ZNF443: variants seen among roughly 807,000 people sequenced by gnomAD.
The protein encoded by ZNF443 is zinc finger protein 443.
In ZNF443, 3 loss-of-function variants were observed where a neutral mutation model predicts 12.0. The ratio of observed to expected loss-of-function variants is 0.25; its 90% CI spans 0.11 to 0.64. The LOEUF (loss-of-function observed/expected upper bound fraction) is 0.64, where lower values mean the gene tolerates loss of function less well. Ranked by LOEUF, ZNF443 falls within the 30% of genes least tolerant of loss-of-function variation. The pLI is 0.84. For missense variants in ZNF443, 770 were observed against 808.8 expected (o/e 0.95, Z 0.58); for synonymous variants, 225 against 265.9 (o/e 0.85, Z 1.50).
chr19:12,441,012 T>G lies in ZNF443; in HGVS notation c.-98A>C. ...GCTGCCTCAGAACTTCCAGGTCGTCTCTCAGCTACAGAACCCAGAGCCGAG... is the reference window on the plus strand; with the variant it reads ...GCTGCCTCAGAACTTCCAGGTCGTCGCTCAGCTACAGAACCCAGAGCCGAG... On this transcript the variant is annotated 5_prime_UTR_variant, in exon 1 of 4. Coordinates refer to ENST00000301547, the MANE Select transcript of ZNF443 (RefSeq NM_005815.5). 1 of 1,605,678 alleles carries G rather than the reference T, an allele frequency of 6.2e-7. No individual in the cohort carries two copies. The highest frequency in any genetic ancestry group is 1.1e-5 in the South Asian group (1 of 90,166).
intron 1 of ZNF443, among the ~76,000 whole-genome samples, chr19:12,436,223 A>G (rs2432245): frequency 0.11 from 10,822 of 99,970 alleles, 1,206 homozygotes; most frequent in Middle Eastern, 0.22. Context: ...GCTCACACCT[A>G]TAATCCCAGC....
At position 12,431,762 on chromosome 19, in the gene ZNF443, C is replaced by T. The variant is rs548992923; in HGVS notation, c.410G>A (p.Gly137Glu). Residue 137 changes from glycine (G) to glutamate (E), a missense_variant, in exon 4 of 4, where the codon GGA (glycine) becomes GAA (glutamate). Coordinates refer to ENST00000301547, the MANE Select transcript of ZNF443 (RefSeq NM_005815.5). ...TTGTTTATGCGTATCTGGCTTCTCT[C>T]CACATTCATGATACTCATGTGGTTT... ...GHKPHEYHECGEKPDTHKQRG... is the reference protein window; with the variant it reads ...GHKPHEYHECEEKPDTHKQRG... 1.2e-5 allele frequency: 20 copies of T among 1,614,158 alleles called. No individual in the cohort carries two copies. The African/African-American group carries it at 2.3e-4, about 18-fold the overall frequency.
At position 12,440,967 on chromosome 19, in the gene ZNF443, C is replaced by A. The variant is rs1390277164; in HGVS notation, c.-53G>T. 3.1e-6 allele frequency: 5 copies of A among 1,613,610 alleles called. No individual in the cohort carries two copies. The highest frequency in any genetic ancestry group is 2.2e-5 in the South Asian group (2 of 91,068). On this transcript the variant is annotated 5_prime_UTR_variant, in exon 1 of 4. Coordinates refer to ENST00000301547, the MANE Select transcript of ZNF443 (RefSeq NM_005815.5). ...CTACCGACAGCTCCCGCTGCCAATG[C>A]GTGTTCCAGCCAGACAAAGGCTGCC...
Position 12,440,983 on chromosome 19 carries a change from A to G in ZNF443, c.-69T>C, listed in dbSNP as rs1970359749. 1 of 1,612,860 alleles carries G rather than the reference A, an allele frequency of 6.2e-7. No individual in the cohort carries two copies. Among genetic ancestry groups the G allele is most frequent in the African/African-American group, 1.3e-5 (1 of 75,022 alleles). On this transcript the variant is annotated 5_prime_UTR_variant, in exon 1 of 4. Coordinates refer to ENST00000301547, the MANE Select transcript of ZNF443 (RefSeq NM_005815.5). Reference sequence around the variant, plus strand: ...CTGCCAATGCGTGTTCCAGCCAGACAAAGGCTGCCTCAGAACTTCCAGGTC... The same window carrying G: ...CTGCCAATGCGTGTTCCAGCCAGACGAAGGCTGCCTCAGAACTTCCAGGTC...
chr19:12,434,559 C>G (rs995902840), intron 1 of ZNF443, among the ~76,000 whole-genome samples: 5 of 151,976 alleles, frequency 3.3e-5, no homozygotes, highest in African/African-American at 1.2e-4. Flanking sequence ...TAGTAGTCAA[C>G]AAAAATTACA....
At chr19:12,433,416 T>C (rs1368762349) in intron 1 of ZNF443, among the ~76,000 whole-genome samples, 1 of 152,242 alleles carries the variant, frequency 6.6e-6, no homozygotes, top group Non-Finnish European at 1.5e-5. Context: ...GATAGAAACA[T>C]GCCACTTGTT....
intron 1 of ZNF443, among the ~76,000 whole-genome samples, chr19:12,435,273 G>C (rs1970297408): frequency 6.6e-6 from 1 of 152,132 alleles, no homozygotes; most frequent in Admixed American, 6.5e-5. Context: ...ACAGTGCCCA[G>C]CCAAGGCCCT....
At position 12,429,863 on chromosome 19, in the gene ZNF443, G is replaced by A. The variant is rs1470700287; in HGVS notation, c.*293C>T. The A allele has an allele frequency of 7.8e-6, 4 of 510,692 alleles. No homozygotes were observed. In the East Asian group the frequency reaches 1.4e-4, roughly 17 times the overall value. The allele number at this position is 510,692 out of a possible 1,614,324, so 31.6% of individuals were successfully genotyped here. On this transcript the variant is annotated 3_prime_UTR_variant, in exon 4 of 4. Coordinates refer to ENST00000301547, the MANE Select transcript of ZNF443 (RefSeq NM_005815.5). ...CAACTATTTGCATAGCTTTTATAATGCATGAGGTATTTTAAGTAATCTAGA... is the reference window on the plus strand; with the variant it reads ...CAACTATTTGCATAGCTTTTATAATACATGAGGTATTTTAAGTAATCTAGA...
At chr19:12,438,131 G>GT (rs1970332426) in intron 1 of ZNF443, among the ~76,000 whole-genome samples, 1 of 151,840 alleles carries the variant, frequency 6.6e-6, no homozygotes, top group African/African-American at 2.4e-5. Context: ...TTAGCTGGAG[G>GT]TGGGGGCATT....
intron 1 of ZNF443, among the ~76,000 whole-genome samples, chr19:12,434,780 T>C (rs1278922202): frequency 6.6e-6 from 1 of 152,020 alleles, no homozygotes; most frequent in African/African-American, 2.4e-5. Context: ...TATTTGTCCT[T>C]GGCCCAATCT....
rs766345156 is a variant in ZNF443 at position 12,431,220 on chromosome 19, AG to A, written c.951del (p.Phe318SerfsTer39). On this transcript the variant is annotated frameshift_variant, in exon 4 of 4. Transcript: ENST00000301547. LOFTEE classifies it low-confidence loss of function (END_TRUNC). ...CTTTGAAGGGAACCGGAAACACTGA[AG>A]GCTTTCCCACATTGTTTACATGTAT... Reference protein sequence around the residue: ...KPYTCKQCGKAFSVSGSLQRH... With the variant: ...KPYTCKQCGKXFSVSGSLQRH... The A allele has an allele frequency of 2.5e-6, 4 of 1,613,982 alleles. No homozygotes were observed.
In ZNF443 at chr19:12,430,768, T is replaced by A; in HGVS notation, c.1404A>T (p.Glu468Asp). The change falls in exon 4 of 4, where the codon GAA becomes GAT. Residue 468 changes from glutamate (E) to aspartate (D), a missense_variant. Glu to Asp is a conservative substitution (Grantham distance 45). Coordinates refer to ENST00000301547, the MANE Select transcript of ZNF443 (RefSeq NM_005815.5). Reference sequence around the variant, plus strand: ...AGGGTTTCTCTCCAGTATGAGTTGTTTCATGCCTTCGAAGGGAACTGGAAA... The same window carrying A: ...AGGGTTTCTCTCCAGTATGAGTTGTATCATGCCTTCGAAGGGAACTGGAAA... ...YRISSSLRRH[E>D]TTHTGEKPYK... is the part of the protein sequence containing the mutation. 1.2e-6 allele frequency: 2 copies of A among 1,613,586 alleles called. No individual in the cohort carries two copies. Among genetic ancestry groups the A allele is most frequent in the Non-Finnish European group, 1.7e-6 (2 of 1,179,586 alleles).
chr19:12,433,476 T>C (rs1970278963), intron 1 of ZNF443, among the ~76,000 whole-genome samples: 1 of 152,198 alleles, frequency 6.6e-6, no homozygotes, highest in African/African-American at 2.4e-5. Context: ...CTAATGTCGA[T>C]TTCCACAGTG....
chr19:12,433,454 C>T (rs946733190), intron 1 of ZNF443, among the ~76,000 whole-genome samples: 4 of 152,296 alleles, frequency 2.6e-5, no homozygotes, highest in African/African-American at 9.6e-5. Flanking sequence ...AATCACATAG[C>T]CTGGATCACC....
chr19:12,434,268 A>C (rs1970286822), intron 1 of ZNF443, among the ~76,000 whole-genome samples: 1 of 152,192 alleles, frequency 6.6e-6, no homozygotes, highest in Non-Finnish European at 1.5e-5. Context: ...GTTTTGTTGC[A>C]ACTTGTTATT....
At chr19:12,436,399 G>A (rs1970309104) in intron 1 of ZNF443, among the ~76,000 whole-genome samples, 1 of 150,738 alleles carries the variant, frequency 6.6e-6, no homozygotes, top group African/African-American at 2.5e-5. Flanking sequence ...AGAATCGCTT[G>A]AACCCAGGAT....
At chr19:12,434,583 T>C (rs1213279947) in intron 1 of ZNF443, among the ~76,000 whole-genome samples, 2 of 152,174 alleles carry the variant, frequency 1.3e-5, no homozygotes, top group African/African-American at 4.8e-5. Flanking sequence ...CCAAGTCTAA[T>C]AGAACTCACA....
At position 12,431,030 on chromosome 19, in the gene ZNF443, T is replaced by G. The variant is rs1486600129; in HGVS notation, c.1142A>C (p.Gln381Pro). Reference sequence around the variant, plus strand: ...TCCAGTGTGAGTTCTTTCATGACTTTGCAGTGAACTAGGACAATCAAAGCC... The same window carrying G: ...TCCAGTGTGAGTTCTTTCATGACTTGGCAGTGAACTAGGACAATCAAAGCC... ...GKGFDCPSSL[Q>P]SHERTHTGEK... is the part of the protein sequence containing the mutation. Residue 381 changes from glutamine (Q) to proline (P), a missense_variant, in exon 4 of 4, where the codon CAA (glutamine) becomes CCA (proline). By Grantham distance (76) the Gln-to-Pro change is moderately conservative (BLOSUM62 -1). Around this residue, in one of 3 missense-constraint regions of ZNF443, gnomAD observed 736 missense variants for 689.4 expected, o/e 1.07. Coordinates refer to ENST00000301547, the MANE Select transcript of ZNF443 (RefSeq NM_005815.5). 1.9e-6 allele frequency: 3 copies of G among 1,613,442 alleles called. No homozygotes were observed. Among genetic ancestry groups the G allele is most frequent in the Non-Finnish European group, 2.5e-6 (3 of 1,179,760 alleles).
At chr19:12,437,537 C>T (rs1231357899) in intron 1 of ZNF443, among the ~76,000 whole-genome samples, 3 of 148,558 alleles carry the variant, frequency 2.0e-5, no homozygotes, top group South Asian at 2.2e-4. Context: ...TGAAAAAAAC[C>T]GACAAGTATA....
Sources: allele counts gnomAD v4.1 joint callset (sites outside exome capture counted in the v4.1 genomes callset), GRCh38; gene constraint gnomAD v4.1.1; regional missense constraint gnomAD v4.1.1; transcripts MANE v1.5; gene names NCBI Gene and HGNC (gene_info 2026-07-23, HGNC 2026-07-21).